Variants in MEG3 observed in about 807,000 individuals in gnomAD.
MEG3 encodes Very putative protein from MEG3 locus.
chr14:100,856,455 A>G (rs1005871346), upstream of MEG3: 1 of 152,720 alleles, frequency 6.5e-6, no homozygotes, highest in South Asian at 2.1e-4. Context: ...GAGTCTGCCT[A>G]CGGGGGAGGA....
intron 2 of MEG3, among the ~76,000 whole-genome samples, chr14:100,844,606 C>T (rs375958828): frequency 3.3e-5 from 5 of 152,080 alleles, no homozygotes; most frequent in Non-Finnish European, 7.4e-5. Flanking sequence ...TTGTTCCGAT[C>T]GATGGAACGA....
intron 3 of MEG3, chr14:100,850,264 C>A (rs1000255105): frequency 6.6e-6 from 1 of 152,210 alleles, no homozygotes; most frequent in Non-Finnish European, 1.5e-5. Context: ...AGCCCTGATT[C>A]ATGGGATTCT....
chr14:100,860,492 C>T, intron 1 of MEG3: 1 of 375,060 alleles, frequency 2.7e-6, no homozygotes. Context: ...CAGGGTACGC[C>T]AGAAGTTGAG....
chr14:100,845,492 G>T lies in MEG3; in HGVS notation n.3080G>T. 1 of 456,778 alleles carries T rather than the reference G, an allele frequency of 2.2e-6. No homozygotes were observed. The highest frequency in any genetic ancestry group is 4.4e-6 in the Non-Finnish European group (1 of 226,980). The allele number at this position is 456,778 out of a possible 1,614,324, so 28.3% of individuals were successfully genotyped here. A position where few individuals can be genotyped will look rare whatever the true frequency, so the allele number is the denominator to read the frequency against. ...TCACCTGGATGCCTACGTGGGAAGG[G>T]ACCTCGAATGTGGGACCCCAGCCCC... On this transcript the variant is annotated non_coding_transcript_exon_variant, in exon 3 of 4. Coordinates refer to the MEG3 transcript ENST00000398461. The surrounding 1 kb of genome is among the most constrained non-coding windows in gnomAD (Gnocchi z 5.2).
chr14:100,852,200 C>T (rs2139998316), intron 3 of MEG3: 1 of 394,864 alleles, frequency 2.5e-6, no homozygotes, highest in East Asian at 7.3e-5. Flanking sequence ...GGGCTGTTAG[C>T]TAGTGTGATG....
In MEG3 at chr14:100,837,434, G is replaced by GA. The variant is rs1187710932; in HGVS notation, n.3045+1137dup. On this transcript the variant is annotated intron_variant and non_coding_transcript_variant, in intron 2 of 3. Transcript: ENST00000398461. This position sits in a 1 kb window ranked among gnomAD's most constrained non-coding sequence, Gnocchi z 5.8. Reference sequence around the variant, plus strand: ...CCCAGAGAAGCTGGGTGGGCGCTGAGAAAGGTCTGAACCGTGGGGTGAGGC... The same window carrying GA: ...CCCAGAGAAGCTGGGTGGGCGCTGAGAAAAGGTCTGAACCGTGGGGTGAGGC... Among the ~76,000 whole-genome samples the GA allele has an allele frequency of 6.6e-6, 1 of 152,252 alleles. No homozygotes were observed. Among genetic ancestry groups the GA allele is most frequent in the East Asian group, 1.9e-4 (1 of 5,174 alleles).
intron 3 of MEG3, chr14:100,851,196 G>C (rs1351274161): frequency 6.6e-6 from 1 of 152,326 alleles, no homozygotes; most frequent in Non-Finnish European, 1.5e-5. Flanking sequence ...CTATGGCCTG[G>C]ATAGGCAGGA....
chr14:100,847,619 T>C (rs2037954008), intron 3 of MEG3: 1 of 152,106 alleles, frequency 6.6e-6, no homozygotes, highest in Non-Finnish European at 1.5e-5. Flanking sequence ...CATTAAATAA[T>C]GAACATCTAA....
chr14:100,860,045 C>G (rs768120202), exon 1 of MEG3: 1 of 153,410 alleles, frequency 6.5e-6, no homozygotes, highest in Non-Finnish European at 1.5e-5. Context: ...CACAGGCGCT[C>G]TCATCCCGGC....
At chr14:100,838,257 ACCAAGCTTTGGCAGCC>A (rs201266847) in intron 2 of MEG3, among the ~76,000 whole-genome samples, 1 of 152,168 alleles carries the variant, frequency 6.6e-6, no homozygotes, top group East Asian at 1.9e-4. Context: ...CCCAGATAGG[ACCAAGCTTTGGCAGCC>A]CCTGGCTCTC....
exon 2 of MEG3, chr14:100,860,911 C>T (rs897207125): frequency 5.7e-6 from 2 of 348,150 alleles, no homozygotes; most frequent in African/African-American, 4.3e-5. Context: ...GGGAAGTGGG[C>T]TCCTTCACCT....
chr14:100,847,324 G>C (rs755018187), intron 3 of MEG3: 6 of 152,224 alleles, frequency 3.9e-5, no homozygotes, highest in Non-Finnish European at 7.3e-5. Flanking sequence ...TTGCGTGTGT[G>C]GATGGATGAA....
intron 2 of MEG3, among the ~76,000 whole-genome samples, chr14:100,840,580 TG>T (rs945276530): frequency 5.3e-5 from 8 of 152,146 alleles, no homozygotes; most frequent in African/African-American, 1.9e-4. Context: ...AGGGGTTGTG[TG>T]GGGCCCCTTG....
chr14:100,840,272 G>A (rs982213582), intron 2 of MEG3, among the ~76,000 whole-genome samples: 1 of 152,184 alleles, frequency 6.6e-6, no homozygotes, highest in Non-Finnish European at 1.5e-5. Flanking sequence ...ACCACCTTCG[G>A]CTTGCCTCGA....
rs373947822 is a variant in MEG3, at chr14:100,835,075, T to G, written n.2107T>G. On this transcript the variant is annotated non_coding_transcript_exon_variant, in exon 1 of 4. Coordinates refer to the MEG3 transcript ENST00000398461. The stretch of plus-strand genomic sequence containing the variant: ...GGGGGTTGCCCAGGGGCTGGAGCAG[T>G]GGACTGTGGCTCCATAGAGGTAGGC... The G allele has an allele frequency of 8.7e-5, 30 of 344,526 alleles. No homozygotes were observed. In the East Asian group the frequency reaches 2.3e-3, roughly 26 times the overall value. The allele number at this position is 344,526 out of a possible 1,614,324, so 21.3% of individuals were successfully genotyped here. A position where few individuals can be genotyped will look rare whatever the true frequency, so the allele number is the denominator to read the frequency against.
rs976986301 is a variant in MEG3, at chr14:100,828,070, G to A, written n.372-638G>A. Among the ~76,000 whole-genome samples the A allele has an allele frequency of 4.6e-5, 7 of 151,978 alleles. No homozygotes were observed. In the East Asian group the frequency reaches 5.8e-4, roughly 13 times the overall value. On this transcript the variant is annotated intron_variant and non_coding_transcript_variant, in intron 1 of 2. Coordinates refer to ENST00000556407, the Ensembl canonical transcript of MEG3. ...TCTGGCTGGTGGTGGCTGGAGAGGC[G>A]TCCAGGGGGCGTAGCGACCTGGCGC...
At chr14:100,841,096 T>G (rs528615762) in intron 2 of MEG3, among the ~76,000 whole-genome samples, 4 of 152,110 alleles carry the variant, frequency 2.6e-5, no homozygotes, top group Admixed American at 6.5e-5. Context: ...GAGGGGACGC[T>G]TCAGGTTAGA....
At chr14:100,836,537 G>A (rs1446930167) in intron 2 of MEG3, among the ~76,000 whole-genome samples, 3 of 152,058 alleles carry the variant, frequency 2.0e-5, no homozygotes, top group African/African-American at 2.4e-5. Flanking sequence ...GCTGTGGGCC[G>A]GCGACGGTAG....
At chr14:100,834,323 T>G (rs940628882) in exon 1 of MEG3, 5 of 213,824 alleles carry the variant, frequency 2.3e-5, no homozygotes, top group African/African-American at 1.2e-4. Flanking sequence ...AGTGCTGCAG[T>G]AGCTCCTGTG....
Sources: allele counts gnomAD v4.1 joint callset (sites outside exome capture counted in the v4.1 genomes callset), GRCh38; gene constraint gnomAD v4.1.1; non-coding constraint Gnocchi (gnomAD v3.1); transcripts MANE v1.5; gene names NCBI Gene and HGNC (gene_info 2026-07-23, HGNC 2026-07-21).